KLHL28: variants seen among roughly 807,000 people sequenced by gnomAD.
The protein encoded by KLHL28 is kelch like family member 28, also known as kelch-like protein 28.
KLHL28 carries 22 observed loss-of-function variants against 48.3 expected under a neutral mutation model. The observed-to-expected ratio is 0.46, with a 90% CI of 0.33 to 0.65. The LOEUF (loss-of-function observed/expected upper bound fraction) is 0.65, where lower values mean the gene tolerates loss of function less well. Among genes scored for constraint, KLHL28 ranks in the 30% least tolerant of loss-of-function variants. The probability of loss-of-function intolerance (pLI) is 0.03; values close to 1 mark genes in which losing one functional copy is unlikely to be tolerated. For synonymous variants in KLHL28, 243 were observed against 242.4 expected, an observed-to-expected ratio of 1.00 and a Z score of -0.02; for missense variants, 527 against 704.3, an observed-to-expected ratio of 0.75 and a Z score of 2.85.
At chr14:44,937,961 C>T (rs1397815546) in intron 2 of KLHL28, among the ~76,000 whole-genome samples, 3 of 152,204 alleles carry the variant, frequency 2.0e-5, no homozygotes, top group Non-Finnish European at 4.4e-5. Context: ...AAAGGCCCCA[C>T]CTCCTAATAC....
Position 44,934,565 on chromosome 14 carries a change from A to C in KLHL28, c.900-7T>G, listed in dbSNP as rs1410057705. The stretch of plus-strand genomic sequence containing the variant: ...AGGAAAGTACATCTCCACACTAAAG[A>C]ATAAGCAGAAAAAATATAAAATTTA... On this transcript the variant is annotated splice_polypyrimidine_tract_variant and splice_region_variant and intron_variant, in intron 2 of 4. Coordinates refer to ENST00000396128, the MANE Select transcript of KLHL28 (RefSeq NM_017658.5). 2 of 1,532,320 alleles carry C rather than the reference A, an allele frequency of 1.3e-6. No homozygotes were observed. Among genetic ancestry groups the C allele is most frequent in the Non-Finnish European group, 1.7e-6 (2 of 1,143,774 alleles). 94.9% of individuals were successfully genotyped at this position (1,532,320 alleles called of 1,614,324 possible).
intron 1 of KLHL28, among the ~76,000 whole-genome samples, chr14:44,949,830 C>T (rs1209518124): frequency 2.6e-5 from 4 of 152,124 alleles, no homozygotes; most frequent in Admixed American, 6.6e-5. Flanking sequence ...ACTATTTTAA[C>T]ACCATAAACT....
chr14:44,935,315 A>C (rs1332371829), intron 2 of KLHL28, among the ~76,000 whole-genome samples: 1 of 152,192 alleles, frequency 6.6e-6, no homozygotes, highest in Non-Finnish European at 1.5e-5. Flanking sequence ...AAGGGAGCTC[A>C]AGGGTGGCTT....
intron 2 of KLHL28, among the ~76,000 whole-genome samples, chr14:44,942,417 T>C (rs192818338): frequency 1.3e-5 from 2 of 152,330 alleles, no homozygotes; most frequent in Admixed American, 1.3e-4. Context: ...AACATCTTAT[T>C]TAATCAATCT....
chr14:44,955,940 C>A (rs953173841), intron 1 of KLHL28, among the ~76,000 whole-genome samples: 1 of 152,048 alleles, frequency 6.6e-6, no homozygotes, highest in Admixed American at 6.5e-5. Context: ...ATTGATTAAA[C>A]GATATCAGAT....
At chr14:44,947,059 T>A (rs1279952240) in intron 1 of KLHL28, among the ~76,000 whole-genome samples, 1 of 152,202 alleles carries the variant, frequency 6.6e-6, no homozygotes, top group African/African-American at 2.4e-5. Flanking sequence ...CTGTGAATAT[T>A]ACTTTATATG....
chr14:44,935,546 T>C (rs998179740), intron 2 of KLHL28, among the ~76,000 whole-genome samples: 4 of 152,082 alleles, frequency 2.6e-5, no homozygotes, highest in Admixed American at 6.6e-5. Context: ...ATCTCACAGA[T>C]GAATTTCACA....
chr14:44,925,741 ATAATT>A lies in KLHL28; in HGVS notation c.*3282_*3286del, dbSNP rs559733197. The A allele has an allele frequency of 9.1e-4, 138 of 152,270 alleles. No homozygotes were observed. Among genetic ancestry groups the A allele is most frequent in the Middle Eastern group, 3.4e-3 (1 of 294 alleles). 9.4% of individuals were successfully genotyped at this position (152,270 alleles called of 1,614,324 possible). A position where few individuals can be genotyped will look rare whatever the true frequency, so the allele number is the denominator to read the frequency against. ...TTCCTATCACTTGATACCACTTCCT[ATAATT>A]TAATATTCACTCACATTTAAAACAA... On this transcript the variant is annotated 3_prime_UTR_variant, in exon 5 of 5. Transcript: ENST00000396128.
intron 2 of KLHL28, among the ~76,000 whole-genome samples, chr14:44,939,154 G>A (rs1784886198): frequency 6.6e-6 from 1 of 152,116 alleles, no homozygotes; most frequent in Non-Finnish European, 1.5e-5. Context: ...GCCACAGCTG[G>A]GGAAGCTACA....
Position 44,925,371 on chromosome 14 carries a change from C to T in KLHL28, c.*3657G>A, listed in dbSNP as rs1364085915. 1.3e-5 allele frequency: 2 copies of T among 152,056 alleles called. No homozygotes were observed. Among genetic ancestry groups the T allele is most frequent in the African/African-American group, 4.8e-5 (2 of 41,434 alleles). The allele number at this position is 152,056 out of a possible 1,614,324, so 9.4% of individuals were successfully genotyped here. A position where few individuals can be genotyped will look rare whatever the true frequency, so the allele number is the denominator to read the frequency against. ...ATATATTTAAAATTTCTATAGTTTT[C>T]TTACTAGAAAATACATTATCCAATT... On this transcript the variant is annotated 3_prime_UTR_variant, in exon 5 of 5. Coordinates refer to ENST00000396128, the MANE Select transcript of KLHL28 (RefSeq NM_017658.5).
At chr14:44,953,796 G>A (rs1308347576) in intron 1 of KLHL28, 1 of 152,166 alleles carries the variant, frequency 6.6e-6, no homozygotes, top group East Asian at 1.9e-4. Flanking sequence ...AAGACAACCT[G>A]AGATTAGGGA....
chr14:44,941,786 A>T (rs2138618289), intron 2 of KLHL28, among the ~76,000 whole-genome samples: 1 of 152,176 alleles, frequency 6.6e-6, no homozygotes, highest in African/African-American at 2.4e-5. Context: ...TTCTTGACAC[A>T]CAAATTCCTT....
chr14:44,952,881 G>A (rs1304549153), intron 1 of KLHL28, among the ~76,000 whole-genome samples: 4 of 150,732 alleles, frequency 2.7e-5, no homozygotes, highest in Admixed American at 6.6e-5. Context: ...ACCACTTTGC[G>A]TAAAAGGAAG....
At chr14:44,937,214 C>T (rs1279276641) in intron 2 of KLHL28, among the ~76,000 whole-genome samples, 3 of 150,228 alleles carry the variant, frequency 2.0e-5, no homozygotes, top group African/African-American at 4.9e-5. Flanking sequence ...GGCGCAATCT[C>T]GGCTCACCAC....
At chr14:44,959,239 C>G (rs547671808) in intron 1 of KLHL28, 1 of 152,138 alleles carries the variant, frequency 6.6e-6, no homozygotes, top group African/African-American at 2.4e-5. Context: ...TCCAATTACT[C>G]TTTTGTGGAA....
chr14:44,953,336 T>C (rs1884666522), intron 1 of KLHL28, among the ~76,000 whole-genome samples: 1 of 152,204 alleles, frequency 6.6e-6, no homozygotes, highest in Non-Finnish European at 1.5e-5. Context: ...AAAAATGTAA[T>C]TATATAAATA....
Position 44,929,017 on chromosome 14 carries a change from G to C in KLHL28, c.*11C>G. On this transcript the variant is annotated 3_prime_UTR_variant, in exon 5 of 5. Transcript: ENST00000396128. ...TTTCACCACCATACTATTTCCGAGA[G>C]TTCACATTTGTCAAAGTGCAGTTAA... The C allele has an allele frequency of 6.2e-7, 1 of 1,612,950 alleles. No individual in the cohort carries two copies. The highest frequency in any genetic ancestry group is 1.1e-5 in the South Asian group (1 of 91,024).
At chr14:44,940,503 A>G (rs576714656) in intron 2 of KLHL28, among the ~76,000 whole-genome samples, 9 of 152,348 alleles carry the variant, frequency 5.9e-5, no homozygotes, top group African/African-American at 2.2e-4. Context: ...CTCCTTATGT[A>G]TAAGTAGAAA....
chr14:44,931,325 C>A lies in KLHL28; in HGVS notation c.1552+8G>T, dbSNP rs1346681280. On this transcript the variant is annotated splice_region_variant and intron_variant, in intron 4 of 4. Coordinates refer to ENST00000396128, the MANE Select transcript of KLHL28 (RefSeq NM_017658.5). ...TTACATGTTTAGAAATTAATAAATT[C>A]TTATTACCTGTTCTAGGTTCTTTCA... is the stretch of plus-strand genomic sequence containing the variant. The A allele has an allele frequency of 4.4e-6, 7 of 1,573,880 alleles. No homozygotes were observed. Among genetic ancestry groups the A allele is most frequent in the Non-Finnish European group, 5.2e-6 (6 of 1,147,684 alleles).
Sources: allele counts gnomAD v4.1 joint callset (sites outside exome capture counted in the v4.1 genomes callset), GRCh38; gene constraint gnomAD v4.1.1; transcripts MANE v1.5; gene names NCBI Gene and HGNC (gene_info 2026-07-23, HGNC 2026-07-21).